The following OTUD3 variants were observed in gnomAD, a reference collection of about 807,000 sequenced individuals.
The protein encoded by OTUD3 is OTU deubiquitinase 3.
Under a neutral mutation model 46.2 loss-of-function variants are expected in OTUD3, and 24 were observed. The observed-to-expected ratio is 0.52, with a 90% CI of 0.38 to 0.73. The LOEUF (loss-of-function observed/expected upper bound fraction) is 0.73. Ranked by LOEUF, OTUD3 falls within the 30% of genes least tolerant of loss-of-function variation. The probability of loss-of-function intolerance (pLI) is 0.00; values close to 1 mark genes in which losing one functional copy is unlikely to be tolerated. For synonymous variants in OTUD3, 189 were observed against 195.4 expected, an observed-to-expected ratio of 0.97 and a Z score of 0.27; for missense variants, 455 against 523.3, an observed-to-expected ratio of 0.87 and a Z score of 1.27.
chr1:19,903,997 G>T (rs2100312925), intron 4 of OTUD3, among the ~76,000 whole-genome samples: 1 of 152,376 alleles, frequency 6.6e-6, no homozygotes, highest in South Asian at 2.1e-4. Flanking sequence ...TCATTTGCCA[G>T]TGTTGGCATT....
intron 2 of OTUD3, among the ~76,000 whole-genome samples, chr1:19,892,492 G>A (rs2045461190): frequency 6.6e-6 from 1 of 152,126 alleles, no homozygotes; most frequent in African/African-American, 2.4e-5. Flanking sequence ...TTAAGGACCT[G>A]GTCACCCTTG....
chr1:19,899,252 C>G (rs1312621332), intron 4 of OTUD3, among the ~76,000 whole-genome samples: 1 of 152,192 alleles, frequency 6.6e-6, no homozygotes, highest in Non-Finnish European at 1.5e-5. Context: ...ATTAGTATAT[C>G]ATAAAATCTC....
At position 19,908,871 on chromosome 1, in the gene OTUD3, T is replaced by G. The variant is rs573780045; in HGVS notation, c.*1125T>G. 1 of 152,442 alleles carries G rather than the reference T, an allele frequency of 6.6e-6. No homozygotes were observed. Among genetic ancestry groups the G allele is most frequent in the South Asian group, 2.1e-4 (1 of 4,828 alleles). 9.4% of individuals were successfully genotyped at this position (152,442 alleles called of 1,614,324 possible). ...GAAAACTCCAGCATCTGCTGGAAGT[T>G]GTTGGACCAGCAGGGTTGGTTGACT... On this transcript the variant is annotated 3_prime_UTR_variant, in exon 8 of 8. Coordinates refer to ENST00000375120, the MANE Select transcript of OTUD3 (RefSeq NM_015207.2).
intron 1 of OTUD3, among the ~76,000 whole-genome samples, chr1:19,887,740 C>T (rs1341122638): frequency 1.3e-5 from 2 of 152,162 alleles, no homozygotes; most frequent in African/African-American, 4.8e-5. Context: ...GGCCAAACAT[C>T]ACTAGTAGTT....
At position 19,910,788 on chromosome 1, in the gene OTUD3, G is replaced by A. The variant is rs2045724169; in HGVS notation, c.*3042G>A. 1 of 152,372 alleles carries A rather than the reference G, an allele frequency of 6.6e-6. No homozygotes were observed. Among genetic ancestry groups the A allele is most frequent in the Admixed American group, 6.5e-5 (1 of 15,284 alleles). The allele number at this position is 152,372 out of a possible 1,614,324, so 9.4% of individuals were successfully genotyped here. A position where few individuals can be genotyped will look rare whatever the true frequency, so the allele number is the denominator to read the frequency against. On this transcript the variant is annotated 3_prime_UTR_variant, in exon 8 of 8. Transcript: ENST00000375120. Reference sequence around the variant, plus strand: ...TATTATGCCTGCCCTGCTTCCCCCAGGGAGCTGCTTCAGTGTGAAATGATG... The same window carrying A: ...TATTATGCCTGCCCTGCTTCCCCCAAGGAGCTGCTTCAGTGTGAAATGATG...
Position 19,904,962 on chromosome 1 carries a change from T to G in OTUD3, c.810T>G (p.Leu270=), listed in dbSNP as rs75742716. 8.0e-5 allele frequency: 126 copies of G among 1,584,470 alleles called. No homozygotes were observed. In the East Asian group the frequency reaches 1.9e-3, roughly 23 times the overall value. The change falls in exon 6 of 8, where the codon CTT becomes CTG. Residue 270 remains leucine (L), a synonymous_variant. Transcript: ENST00000375120. ...YNIESAIIAV[L]RMNQGKRNNA... is the part of the protein sequence containing the mutation. ...TTGAATCTGCAATAATTGCCGTGCTTCGGATGAACCAAGGGAAGAGAAATA... is the reference window on the plus strand; with the variant it reads ...TTGAATCTGCAATAATTGCCGTGCTGCGGATGAACCAAGGGAAGAGAAATA...
At chr1:19,901,428 A>T (rs1294836656) in intron 4 of OTUD3, among the ~76,000 whole-genome samples, 1 of 152,108 alleles carries the variant, frequency 6.6e-6, no homozygotes, top group Non-Finnish European at 1.5e-5. Flanking sequence ...TATGTTTTCT[A>T]GTTGGTTATC....
chr1:19,895,141 A>G (rs1557677312), intron 3 of OTUD3, among the ~76,000 whole-genome samples: 1 of 152,218 alleles, frequency 6.6e-6, no homozygotes, highest in Non-Finnish European at 1.5e-5. Context: ...ACATACACAC[A>G]TGTATCCATA....
At chr1:19,897,427 A>T in intron 3 of OTUD3, 113 bp from the exon 4 acceptor site, 3 of 997,290 alleles carry the variant, frequency 3.0e-6, no homozygotes, top group South Asian at 1.7e-5. Flanking sequence ...GTTCCCAATT[A>T]GTGTCTCATA....
intron 1 of OTUD3, among the ~76,000 whole-genome samples, chr1:19,885,518 A>G (rs527578040): frequency 6.6e-6 from 1 of 152,298 alleles, no homozygotes; most frequent in African/African-American, 2.4e-5. Flanking sequence ...CAGTGGCACA[A>G]TCTTGGCTCA....
intron 1 of OTUD3, 144 bp from the exon 2 acceptor site, chr1:19,890,241 G>C: frequency 1.3e-6 from 1 of 744,720 alleles, no homozygotes; most frequent in Admixed American, 2.5e-5. Context: ...CCGTGGTCTT[G>C]GAAGAATCCT....
intron 2 of OTUD3, among the ~76,000 whole-genome samples, chr1:19,891,187 A>G (rs1314248001): frequency 2.6e-5 from 4 of 152,136 alleles, no homozygotes; most frequent in Admixed American, 2.0e-4. Flanking sequence ...CCCAAACACA[A>G]TCTGTTTTCT....
rs548831156 is a variant in OTUD3 at position 19,910,496 on chromosome 1, G to A, written c.*2750G>A. On this transcript the variant is annotated 3_prime_UTR_variant, in exon 8 of 8. Transcript: ENST00000375120. ...CATAGAACCATAACTTCTAGATAAT[G>A]TAGTTGCCACTAGGAGATATTAGAA... 1.3e-5 allele frequency: 2 copies of A among 152,460 alleles called. No homozygotes were observed. The highest frequency in any genetic ancestry group is 2.1e-4 in the South Asian group (1 of 4,828). The allele number at this position is 152,460 out of a possible 1,614,324, so 9.4% of individuals were successfully genotyped here. A position where few individuals can be genotyped will look rare whatever the true frequency, so the allele number is the denominator to read the frequency against.
At chr1:19,894,536 G>GA (rs199563201) in intron 3 of OTUD3, 56 bp downstream of exon 3, 126,966 of 1,073,078 alleles carry the variant, frequency 0.12, 8,018 homozygotes, top group Admixed American at 0.17. Flanking sequence ...TCAGCTTTGG[G>GA]AATATCCGAA....
At chr1:19,891,191 G>C (rs946539308) in intron 2 of OTUD3, among the ~76,000 whole-genome samples, 1 of 152,110 alleles carries the variant, frequency 6.6e-6, no homozygotes, top group Admixed American at 6.5e-5. Context: ...AACACAATCT[G>C]TTTTCTTTGA....
At position 19,882,510 on chromosome 1, in the gene OTUD3, G is replaced by T; in HGVS notation, c.-4G>T. The T allele has an allele frequency of 3.0e-6, 4 of 1,352,214 alleles. No homozygotes were observed. Among genetic ancestry groups the T allele is most frequent in the Non-Finnish European group, 3.8e-6 (4 of 1,059,780 alleles). 83.8% of individuals were successfully genotyped at this position (1,352,214 alleles called of 1,614,324 possible). A position where few individuals can be genotyped will look rare whatever the true frequency, so the allele number is the denominator to read the frequency against. On this transcript the variant is annotated 5_prime_UTR_variant, in exon 1 of 8. The change creates a new upstream start codon in the 5' untranslated region. Transcript: ENST00000375120. ...CCTGCCGCTGGGGACTGCAGGCTAA[G>T]GCCATGTCCCGAAAGCAGGCGGCGA...
In OTUD3 at chr1:19,908,183, A is replaced by G. The variant is rs1332163798; in HGVS notation, c.*437A>G. 1 of 154,326 alleles carries G rather than the reference A, an allele frequency of 6.5e-6. No homozygotes were observed. The highest frequency in any genetic ancestry group is 1.9e-4 in the East Asian group (1 of 5,404). 9.6% of individuals were successfully genotyped at this position (154,326 alleles called of 1,614,324 possible). ...GACAAGTTTCCTTAGTTTCTCTTTC[A>G]TTCTCAAACAGATATATAGGGTAGC... On this transcript the variant is annotated 3_prime_UTR_variant, in exon 8 of 8. Transcript: ENST00000375120.
chr1:19,904,415 T>G lies in OTUD3; in HGVS notation c.738+17T>G. On this transcript the variant is annotated intron_variant, in intron 5 of 7. Coordinates refer to ENST00000375120, the MANE Select transcript of OTUD3 (RefSeq NM_015207.2). ...GGATGTTCAGTTAGTATTTCTGTCT[T>G]GCAGGAATGATTTAGAAGCAAGCAT... 1 of 1,602,168 alleles carries G rather than the reference T, an allele frequency of 6.2e-7. No individual in the cohort carries two copies. The highest frequency in any genetic ancestry group is 8.5e-7 in the Non-Finnish European group (1 of 1,175,706).
At chr1:19,901,455 T>C (rs1450994801) in intron 4 of OTUD3, among the ~76,000 whole-genome samples, 26 of 152,226 alleles carry the variant, frequency 1.7e-4, no homozygotes, top group Admixed American at 1.7e-3. Context: ...CTGTGAGAGC[T>C]GTTAATAACA....
Sources: allele counts gnomAD v4.1 joint callset (sites outside exome capture counted in the v4.1 genomes callset), GRCh38; gene constraint gnomAD v4.1.1; transcripts MANE v1.5; gene names NCBI Gene and HGNC (gene_info 2026-07-23, HGNC 2026-07-21).